Variants in EXOC3L4 observed in about 807,000 individuals in gnomAD.
EXOC3L4 encodes exocyst complex component 3-like protein 4.
A neutral mutation model predicts 69.7 loss-of-function variants in EXOC3L4; 62 were observed. The observed-to-expected ratio is 0.89, with a 90% CI of 0.72 to 1.10. The LOEUF (loss-of-function observed/expected upper bound fraction) is 1.10, where lower values mean the gene tolerates loss of function less well. EXOC3L4 is among the 50% of genes least tolerant of loss of function. The pLI, the probability that EXOC3L4 is intolerant of heterozygous loss-of-function variation, is 0.00. For synonymous variants in EXOC3L4, 502 were observed against 464.2 expected, an observed-to-expected ratio of 1.08 and a Z score of -1.05; for missense variants, 1,087 against 1,034.8, an observed-to-expected ratio of 1.05 and a Z score of -0.69.
intron 11 of EXOC3L4, among the ~76,000 whole-genome samples, chr14:103,109,159 C>T (rs1247154807): frequency 1.4e-5 from 2 of 142,578 alleles, no homozygotes; most frequent in Non-Finnish European, 1.5e-5. Flanking sequence ...CCTCCCTCTC[C>T]ACCACCTGTC....
intron 3 of EXOC3L4, 63 bp downstream of exon 3, chr14:103,102,835 G>A: frequency 7.6e-7 from 1 of 1,310,542 alleles, no homozygotes; most frequent in Non-Finnish European, 9.7e-7. Flanking sequence ...AGGCCTTGGG[G>A]AGCCGGCTTT....
In EXOC3L4 at chr14:103,110,159, GC is replaced by G; in HGVS notation, c.2107del (p.Arg703AlafsTer16). On this transcript the variant is annotated frameshift_variant, in exon 12 of 12. Transcript: ENST00000688303. LOFTEE classifies it high-confidence loss of function. Reference protein sequence around the residue: ...AGAAGAEAPRGRVLFEEIKVP... With the variant: ...AGAAGAEAPRXRVLFEEIKVP... ...GCGGCGGGTGCGGAGGCCCCTCGGGGCCGCGTGCTCTTCGAGGAGATCAAGG... is the reference window on the plus strand; with the variant it reads ...GCGGCGGGTGCGGAGGCCCCTCGGGGCGCGTGCTCTTCGAGGAGATCAAGG... 6.5e-7 allele frequency: 1 copy of G among 1,541,818 alleles called. No homozygotes were observed. Among genetic ancestry groups the G allele is most frequent in the Non-Finnish European group, 8.8e-7 (1 of 1,142,604 alleles).
intron 9 of EXOC3L4, 43 bp downstream of exon 9, chr14:103,107,586 T>A (rs1484377661): frequency 1.4e-5 from 23 of 1,610,590 alleles, no homozygotes; most frequent in Non-Finnish European, 1.9e-5. Flanking sequence ...TGCCCAGGAT[T>A]GGGGCTGTTG....
At chr14:103,106,525 T>C (rs1890557389) in intron 7 of EXOC3L4, among the ~76,000 whole-genome samples, 1 of 152,168 alleles carries the variant, frequency 6.6e-6, no homozygotes, top group African/African-American at 2.4e-5. Context: ...CCGCACTGTT[T>C]ATCACCAAGA....
rs147362360 is a variant in EXOC3L4, at chr14:103,096,180, C to A, written c.-17+1340C>A. On this transcript the variant is annotated intron_variant, in intron 1 of 11. Transcript: ENST00000688303. ...CAGCCTGGGCACACATAATGAGACC[C>A]CTGTCTCTACAAAAAATATAAAAAT... 2.5e-3 allele frequency among the ~76,000 whole-genome samples: 376 copies of A among 152,094 alleles called. 2 individuals are homozygous for A. The highest frequency in any genetic ancestry group is 4.0e-3 in the Non-Finnish European group (271 of 68,004).
chr14:103,104,634 C>T, intron 5 of EXOC3L4, 104 bp from the exon 6 acceptor site: 7 of 1,272,812 alleles, frequency 5.5e-6, no homozygotes, highest in East Asian at 2.8e-5. Flanking sequence ...CCAAGACTGA[C>T]AGGCACAGCG....
In EXOC3L4 at chr14:103,109,833, C is replaced by A. The variant is rs181704918; in HGVS notation, c.1977-198C>A. Among the ~76,000 whole-genome samples, 489 of 150,882 alleles carry A rather than the reference C, an allele frequency of 3.2e-3. 11 individuals carry two copies. Among genetic ancestry groups the A allele is most frequent in the Non-Finnish European group, 5.2e-4 (35 of 67,610 alleles). ...CTCTCCTGTGCCCCTTCAAGCCCAG[C>A]TATGGTGTCCCCCAGGCCCACGCCC... On this transcript the variant is annotated intron_variant, in intron 11 of 11. Coordinates refer to ENST00000688303, the MANE Select transcript of EXOC3L4 (RefSeq NM_001077594.2).
At position 103,107,760 on chromosome 14, in the gene EXOC3L4, A is replaced by C; in HGVS notation, c.1831A>C (p.Ile611Leu). ...SQKMSLDAQAISDTFQGLGSE... is the reference protein window; with the variant it reads ...SQKMSLDAQALSDTFQGLGSE... ...GAAGATGAGCCTGGATGCCCAGGCC[A>C]TCAGCGACACCTTCCAGGGCCTGGT... Residue 611 changes from isoleucine (I) to leucine (L), a missense_variant, in exon 10 of 12, where the codon ATC (isoleucine) becomes CTC (leucine). By Grantham distance (5) the Ile-to-Leu change is conservative (BLOSUM62 2). Transcript: ENST00000688303. 6.5e-7 allele frequency: 1 copy of C among 1,536,312 alleles called. No homozygotes were observed. Among genetic ancestry groups the C allele is most frequent in the Non-Finnish European group, 8.8e-7 (1 of 1,136,240 alleles).
In EXOC3L4 at chr14:103,100,521, A is replaced by T. The variant is rs1188175577; in HGVS notation, c.302A>T (p.Gln101Leu). ...LNDGPATGHSQATPEVPSGVM... is the reference protein window; with the variant it reads ...LNDGPATGHSLATPEVPSGVM... Reference sequence around the variant, plus strand: ...GACGGCCCAGCTACCGGCCATTCCCAGGCCACTCCTGAGGTGCCCTCGGGG... The same window carrying T: ...GACGGCCCAGCTACCGGCCATTCCCTGGCCACTCCTGAGGTGCCCTCGGGG... The change falls in exon 2 of 12, where the codon CAG (glutamine) becomes CTG (leucine). Residue 101 changes from glutamine (Q) to leucine (L), a missense_variant. By Grantham distance (113) the Gln-to-Leu change is moderately radical. Transcript: ENST00000688303. The T allele has an allele frequency of 1.2e-6, 2 of 1,612,686 alleles. No homozygotes were observed. Among genetic ancestry groups the T allele is most frequent in the Admixed American group, 3.3e-5 (2 of 59,918 alleles).
At chr14:103,103,758 C>T (rs535830528) in intron 3 of EXOC3L4, 183 bp from the exon 4 acceptor site, 2 of 528,052 alleles carry the variant, frequency 3.8e-6, no homozygotes, top group East Asian at 3.4e-5. Context: ...AGAGGCTTCC[C>T]GGGAGGGGGT....
At chr14:103,105,916 C>A (rs1045776075) in intron 7 of EXOC3L4, among the ~76,000 whole-genome samples, 3 of 152,230 alleles carry the variant, frequency 2.0e-5, no homozygotes, top group African/African-American at 7.2e-5. Flanking sequence ...TGGCTGTGTG[C>A]TCCGGGACAA....
chr14:103,103,354 C>CAAAAAAAAAAAAAAAAAA (rs3070496), intron 3 of EXOC3L4, among the ~76,000 whole-genome samples: 2 of 94,908 alleles, frequency 2.1e-5, no homozygotes, highest in African/African-American at 4.1e-5. Context: ...GACTCTGTCT[C>CAAAAAAAAAAAAAAAAAA]AAAAAAAAAA....
intron 1 of EXOC3L4, among the ~76,000 whole-genome samples, chr14:103,098,119 C>T (rs1306663570): frequency 1.3e-5 from 2 of 152,186 alleles, no homozygotes; most frequent in East Asian, 3.9e-4. Context: ...GGCCCTTCAG[C>T]GAAGTTCTGG....
In EXOC3L4 at chr14:103,102,412, A is replaced by C. The variant is rs770174979; in HGVS notation, c.689A>C (p.Asp230Ala). The change falls in exon 3 of 12, where the codon GAC (aspartate) becomes GCC (alanine). Residue 230 changes from aspartate (D) to alanine (A), a missense_variant. Coordinates refer to ENST00000688303, the MANE Select transcript of EXOC3L4 (RefSeq NM_001077594.2). ...GAGGAAGCCCACCCTTCTCCCCCCG[A>C]CGACGGCGACTTCCTGCGCACGCCG... ...AEEEAHPSPP[D>A]DGDFLRTPRR... 3 of 1,533,086 alleles carry C rather than the reference A, an allele frequency of 2.0e-6. No homozygotes were observed. Among genetic ancestry groups the C allele is most frequent in the Non-Finnish European group, 2.6e-6 (3 of 1,148,476 alleles). 95.0% of individuals were successfully genotyped at this position (1,533,086 alleles called of 1,614,324 possible).
Position 103,110,128 on chromosome 14 carries a change from G to T in EXOC3L4, c.2074G>T (p.Ala692Ser). 1 of 1,556,564 alleles carries T rather than the reference G, an allele frequency of 6.4e-7. No individual in the cohort carries two copies. The highest frequency in any genetic ancestry group is 8.7e-7 in the Non-Finnish European group (1 of 1,150,492). The stretch of plus-strand genomic sequence containing the variant: ...CACTCAAGACCTGCTGAGAGCTGCG[G>T]CCGGGGCGGCGGGTGCGGAGGCCCC... ...QHTQDLLRAA[A>S]GAAGAEAPRG... is the part of the protein sequence containing the mutation. The change falls in exon 12 of 12, where the codon GCC becomes TCC. Residue 692 changes from alanine to serine, a missense_variant. Coordinates refer to ENST00000688303, the MANE Select transcript of EXOC3L4 (RefSeq NM_001077594.2).
At chr14:103,103,823 T>G (rs891965672) in intron 3 of EXOC3L4, 118 bp from the exon 4 acceptor site, 13 of 640,606 alleles carry the variant, frequency 2.0e-5, no homozygotes, top group Admixed American at 5.0e-5. Flanking sequence ...TGTGTGTGTG[T>G]GTGTGTACAG....
chr14:103,107,862 A>AG, intron 10 of EXOC3L4, 79 bp downstream of exon 10: 1 of 1,430,884 alleles, frequency 7.0e-7, no homozygotes, highest in Middle Eastern at 2.5e-4. Flanking sequence ...TAGCGCCGGG[A>AG]GGGCTTTTGG....
intron 7 of EXOC3L4, 139 bp downstream of exon 7, chr14:103,105,211 TTGG>T (rs1281689064): frequency 2.3e-6 from 2 of 854,322 alleles, no homozygotes; most frequent in Non-Finnish European, 3.5e-6. Flanking sequence ...TGTCTGTGTG[TTGG>T]TGGATCTGAG....
chr14:103,099,535 C>G (rs954258462), intron 1 of EXOC3L4, among the ~76,000 whole-genome samples: 3 of 152,232 alleles, frequency 2.0e-5, no homozygotes, highest in South Asian at 2.1e-4. Context: ...AGACCCGAGG[C>G]TCCTCCTTCT....
Sources: allele counts gnomAD v4.1 joint callset (sites outside exome capture counted in the v4.1 genomes callset), GRCh38; gene constraint gnomAD v4.1.1; transcripts MANE v1.5; gene names NCBI Gene and HGNC (gene_info 2026-07-23, HGNC 2026-07-21).